The following HTRA3 variants were observed in gnomAD, a reference collection of about 807,000 sequenced individuals.
The protein encoded by HTRA3 is HtrA serine peptidase 3, also known as serine protease HTRA3.
A neutral mutation model predicts 43.2 loss-of-function variants in HTRA3; 41 were observed. That is an observed-to-expected ratio of 0.95 (90% CI 0.74 to 1.23). The LOEUF (loss-of-function observed/expected upper bound fraction) is 1.23, where lower values mean the gene tolerates loss of function less well. Among genes scored for constraint, HTRA3 ranks in the 50% most tolerant of loss-of-function variants. The probability of loss-of-function intolerance (pLI) is 0.00; values close to 1 mark genes in which losing one functional copy is unlikely to be tolerated. For missense variants in HTRA3, 628 were observed against 647.1 expected (o/e 0.97, Z 0.32); for synonymous variants, 295 against 287.9 (o/e 1.02, Z -0.25).
At chr4:8,305,513 T>C (rs1713807466) in intron 8 of HTRA3, among the ~76,000 whole-genome samples, 1 of 152,212 alleles carries the variant, frequency 6.6e-6, no homozygotes, top group Admixed American at 6.5e-5. Flanking sequence ...ATCACCTTCC[T>C]TCCCAGCAGT....
At position 8,296,183 on chromosome 4, in the gene HTRA3, C is replaced by T; in HGVS notation, c.1051+1982C>T. The T allele has an allele frequency of 4.1e-6, 4 of 987,076 alleles. No homozygotes were observed. Among genetic ancestry groups the T allele is most frequent in the Non-Finnish European group, 4.8e-6 (4 of 831,102 alleles). The allele number at this position is 987,076 out of a possible 1,614,324, so 61.1% of individuals were successfully genotyped here. On this transcript the variant is annotated intron_variant, in intron 6 of 8. Transcript: ENST00000307358. The surrounding 1 kb of genome is among the most constrained non-coding windows in gnomAD (Gnocchi z 5.3). Reference sequence around the variant, plus strand: ...TTCCTTGGAAGTGGATGATAGTGTCCTCTTCCCTTCTTGCCTCTCTCTTTC... The same window carrying T: ...TTCCTTGGAAGTGGATGATAGTGTCTTCTTCCCTTCTTGCCTCTCTCTTTC...
In HTRA3 at chr4:8,306,125, G is replaced by A; in HGVS notation, c.1351G>A (p.Val451Met). The part of the protein sequence containing the change: ...DDLLFSIAPE[V>M]VM ...CCTCCTCTTCAGCATCGCACCTGAG[G>A]TGGTCATGTGAGGGGCGCATTCCTC... The change falls in exon 9 of 9, where the codon GTG becomes ATG. Residue 451 changes from valine (V) to methionine (M), a missense_variant. Coordinates refer to ENST00000307358, the MANE Select transcript of HTRA3 (RefSeq NM_053044.5). This position sits in a 1 kb window ranked among gnomAD's most constrained non-coding sequence, Gnocchi z 8.9. 1 of 1,583,802 alleles carries A rather than the reference G, an allele frequency of 6.3e-7. No individual in the cohort carries two copies. Among genetic ancestry groups the A allele is most frequent in the South Asian group, 1.1e-5 (1 of 87,414 alleles).
chr4:8,301,920 G>C (rs916078777), intron 6 of HTRA3, among the ~76,000 whole-genome samples: 2 of 152,172 alleles, frequency 1.3e-5, no homozygotes, highest in Non-Finnish European at 2.9e-5. Flanking sequence ...TTCTGGATCT[G>C]AGACACCTGC....
intron 5 of HTRA3, 41 bp from the exon 6 acceptor site, chr4:8,294,046 G>T (rs1713344534): frequency 7.1e-7 from 1 of 1,412,994 alleles, no homozygotes; most frequent in East Asian, 2.4e-5. Context: ...GGGTTTGCCT[G>T]GGTTCCCCCA....
In HTRA3 at chr4:8,286,608, T is replaced by A. The variant is rs1448950084; in HGVS notation, c.533T>A (p.Phe178Tyr). The A allele has an allele frequency of 6.2e-7, 1 of 1,614,110 alleles. No individual in the cohort carries two copies. The highest frequency in any genetic ancestry group is 1.3e-5 in the African/African-American group (1 of 75,024). Residue 178 changes from phenylalanine (F) to tyrosine (Y), a missense_variant, in exon 3 of 9, where the codon TTC becomes TAC. Transcript: ENST00000307358. This position sits in a 1 kb window ranked among gnomAD's most constrained non-coding sequence, Gnocchi z 4.9. ...GTGCCCCTGTCCAGCGGTTCTGGCTTCATCATGTCAGAGGCCGGCCTGATC... is the reference window on the plus strand; with the variant it reads ...GTGCCCCTGTCCAGCGGTTCTGGCTACATCATGTCAGAGGCCGGCCTGATC... ...RNVPLSSGSGFIMSEAGLIIT... is the reference protein window; with the variant it reads ...RNVPLSSGSGYIMSEAGLIIT...
intron 6 of HTRA3, among the ~76,000 whole-genome samples, chr4:8,294,625 C>CACCT (rs1560141278): frequency 6.7e-4 from 3 of 4,494 alleles, no homozygotes; most frequent in African/African-American, 3.1e-3. Flanking sequence ...TCCATCCATC[C>CACCT]ATCCATCCAT....
chr4:8,304,235 TG>T lies in HTRA3; in HGVS notation c.1154del (p.Gly385GlufsTer32). On this transcript the variant is annotated frameshift_variant, in exon 8 of 9. Transcript: ENST00000307358. LOFTEE classifies it high-confidence loss of function. ...ACCCGGACTTCCCAGAGGTCAGCAG[TG>T]GAATTTATGTGCAAGAGGTTGCGCC... ...SNPDFPEVSS[G>X]IYVQEVAPNS... The T allele has an allele frequency of 5.0e-6, 8 of 1,614,092 alleles. No homozygotes were observed. The highest frequency in any genetic ancestry group is 6.8e-6 in the Non-Finnish European group (8 of 1,179,996).
At chr4:8,285,957 G>A (rs1257965108) in intron 2 of HTRA3, among the ~76,000 whole-genome samples, 5 of 152,322 alleles carry the variant, frequency 3.3e-5, no homozygotes, top group South Asian at 4.1e-4. Context: ...TCACCCTGTC[G>A]GGATGATCAG....
intron 1 of HTRA3, among the ~76,000 whole-genome samples, chr4:8,270,868 A>C (rs1578783495): frequency 6.6e-6 from 1 of 152,068 alleles, no homozygotes; most frequent in African/African-American, 2.4e-5. Context: ...TGCTTGGGGG[A>C]GAGAATGTCG....
intron 6 of HTRA3, among the ~76,000 whole-genome samples, chr4:8,300,367 G>GT (rs575271697): frequency 6.6e-5 from 10 of 151,482 alleles, no homozygotes; most frequent in South Asian, 2.1e-4. Flanking sequence ...TAGGCTTGAA[G>GT]TTTTTTTTTG....
At chr4:8,283,053 C>T (rs910689983) in intron 2 of HTRA3, among the ~76,000 whole-genome samples, 2 of 152,138 alleles carry the variant, frequency 1.3e-5, no homozygotes, top group African/African-American at 4.8e-5. Flanking sequence ...AGCTCGCAAG[C>T]ACCGAGGCCC....
rs757565357 is a variant in HTRA3 at position 8,306,064 on chromosome 4, T to C, written c.1290T>C (p.Ser430=). The C allele has an allele frequency of 2.9e-5, 47 of 1,612,026 alleles. No individual in the cohort carries two copies. The highest frequency in any genetic ancestry group is 3.8e-5 in the Non-Finnish European group (45 of 1,179,070). Residue 430 remains serine, a synonymous_variant, in exon 9 of 9, where the codon TCT becomes TCC. Coordinates refer to ENST00000307358, the MANE Select transcript of HTRA3 (RefSeq NM_053044.5). This position sits in a 1 kb window ranked among gnomAD's most constrained non-coding sequence, Gnocchi z 8.9. ...TGCAGGAGGCCGTGCTGACCGAGTCTCCTCTCCTACTGGAGGTGCGGCGGG... is the reference window on the plus strand; with the variant it reads ...TGCAGGAGGCCGTGCTGACCGAGTCCCCTCTCCTACTGGAGGTGCGGCGGG... ...SELQEAVLTE[S]PLLLEVRRGN... is the part of the protein sequence containing the mutation.
Position 8,306,148 on chromosome 4 carries a change from C to T in HTRA3, c.*12C>T. 1 of 1,558,006 alleles carries T rather than the reference C, an allele frequency of 6.4e-7. No individual in the cohort carries two copies. Among genetic ancestry groups the T allele is most frequent in the Non-Finnish European group, 8.7e-7 (1 of 1,146,644 alleles). On this transcript the variant is annotated 3_prime_UTR_variant, in exon 9 of 9. Transcript: ENST00000307358. This position sits in a 1 kb window ranked among gnomAD's most constrained non-coding sequence, Gnocchi z 8.9. ...AGGTGGTCATGTGAGGGGCGCATTC[C>T]TCCAGCGCCAAGCGTCAGAGCCTGC...
chr4:8,299,285 G>A (rs1578806673), intron 6 of HTRA3, among the ~76,000 whole-genome samples: 1 of 152,076 alleles, frequency 6.6e-6, no homozygotes, highest in African/African-American at 2.4e-5. Flanking sequence ...AGTTTCTGCT[G>A]GTTGGTTAAG....
intron 5 of HTRA3, among the ~76,000 whole-genome samples, chr4:8,292,607 C>G (rs1560140478): frequency 6.6e-6 from 1 of 152,226 alleles, no homozygotes; most frequent in Non-Finnish European, 1.5e-5. Flanking sequence ...ATGTGCCTGT[C>G]AGGGGAGCTG....
chr4:8,285,594 TGG>T (rs767360559), intron 2 of HTRA3, among the ~76,000 whole-genome samples: 6 of 152,214 alleles, frequency 3.9e-5, no homozygotes, highest in Admixed American at 1.3e-4. Context: ...GGCCCCACGC[TGG>T]GGTCCCGAAG....
intron 7 of HTRA3, among the ~76,000 whole-genome samples, 176 bp from the exon 8 acceptor site, chr4:8,304,008 T>C (rs1713750158): frequency 6.6e-6 from 1 of 152,152 alleles, no homozygotes; most frequent in South Asian, 2.1e-4. Context: ...ACCACGTTTC[T>C]CTTAAGAAGC....
intron 3 of HTRA3, among the ~76,000 whole-genome samples, chr4:8,290,192 C>T (rs991632651): frequency 2.0e-5 from 3 of 152,260 alleles, no homozygotes; most frequent in African/African-American, 7.2e-5. Flanking sequence ...CGGCCTGAGT[C>T]TTTCCCACAC....
At chr4:8,282,193 G>T (rs1712774711) in intron 1 of HTRA3, among the ~76,000 whole-genome samples, 1 of 152,158 alleles carries the variant, frequency 6.6e-6, no homozygotes, top group Non-Finnish European at 1.5e-5. Flanking sequence ...GGGTGAGGAA[G>T]CCCAGCACGT....
Sources: allele counts gnomAD v4.1 joint callset (sites outside exome capture counted in the v4.1 genomes callset), GRCh38; gene constraint gnomAD v4.1.1; non-coding constraint Gnocchi (gnomAD v3.1); transcripts MANE v1.5; gene names NCBI Gene and HGNC (gene_info 2026-07-23, HGNC 2026-07-21).